The following CFTR variants were observed in gnomAD, a reference collection of about 807,000 sequenced individuals.
CFTR encodes the protein CF transmembrane conductance regulator.
A neutral mutation model predicts 171.6 loss-of-function variants in CFTR; 181 were observed. That is an observed-to-expected ratio of 1.05 (90% CI 0.93 to 1.19). The LOEUF (loss-of-function observed/expected upper bound fraction) is 1.19, where lower values mean the gene tolerates loss of function less well. Ranked by LOEUF, CFTR falls within the 50% of genes most tolerant of loss-of-function variation. The pLI, the probability that CFTR is intolerant of heterozygous loss-of-function variation, is 0.00. For missense variants in CFTR, 1,968 were observed against 1,734.7 expected (o/e 1.13, Z -2.39); for synonymous variants, 583 against 608.0 (o/e 0.96, Z 0.60).
chr7:117,664,403 T>C (rs1019358238), intron 24 of CFTR, among the ~76,000 whole-genome samples: 27 of 152,200 alleles, frequency 1.8e-4, no homozygotes, highest in African/African-American at 6.3e-4. Flanking sequence ...TGCCACGTAT[T>C]GTTTTCTTAC....
intron 24 of CFTR, among the ~76,000 whole-genome samples, chr7:117,663,535 T>G (rs1244925714): frequency 6.6e-6 from 1 of 151,676 alleles, no homozygotes; most frequent in Non-Finnish European, 1.5e-5. Context: ...AAACAAGCCA[T>G]TGGTCCTAAC....
chr7:117,524,163 A>G (rs535320828), intron 3 of CFTR, among the ~76,000 whole-genome samples: 2 of 152,320 alleles, frequency 1.3e-5, no homozygotes, highest in South Asian at 2.1e-4. Flanking sequence ...GCTAATCATG[A>G]TATAAAGAAT....
chr7:117,544,480 C>T lies in CFTR; in HGVS notation c.1209+2372C>T, dbSNP rs139051568. On this transcript the variant is annotated intron_variant, in intron 9 of 26. Transcript: ENST00000003084. Reference sequence around the variant, plus strand: ...AATACATGGAGAAAATAGAGGCCACCGTCATATTTGAATGTTTCCAACTTC... The same window carrying T: ...AATACATGGAGAAAATAGAGGCCACTGTCATATTTGAATGTTTCCAACTTC... Among the ~76,000 whole-genome samples, 682 of 152,234 alleles carry T rather than the reference C, an allele frequency of 4.5e-3. 1 individual carries two copies. Among genetic ancestry groups the T allele is most frequent in the Non-Finnish European group, 8.6e-3 (587 of 68,006 alleles).
intron 24 of CFTR, among the ~76,000 whole-genome samples, chr7:117,656,765 G>A (rs762405374): frequency 2.0e-5 from 3 of 152,146 alleles, no homozygotes; most frequent in Admixed American, 1.3e-4. Context: ...GAGCCTCAAA[G>A]GTCTTCTTAG....
intron 15 of CFTR, among the ~76,000 whole-genome samples, chr7:117,597,347 T>G (rs2116046429): frequency 6.6e-6 from 1 of 152,322 alleles, no homozygotes; most frequent in South Asian, 2.1e-4. Context: ...GGCTTCATTC[T>G]CGAAGTCAGT....
At chr7:117,498,463 TA>T (rs1798272298) in intron 1 of CFTR, among the ~76,000 whole-genome samples, 1 of 152,208 alleles carries the variant, frequency 6.6e-6, no homozygotes, top group Non-Finnish European at 1.5e-5. Context: ...ACTGCGATTT[TA>T]AATTGAATTC....
At chr7:117,509,907 TATC>T (rs1380044023) in intron 3 of CFTR, among the ~76,000 whole-genome samples, 2 of 152,206 alleles carry the variant, frequency 1.3e-5, no homozygotes, top group Non-Finnish European at 2.9e-5. Flanking sequence ...GGCGTTTACT[TATC>T]ATATGGATTG....
At chr7:117,612,726 A>G (rs538068445) in intron 20 of CFTR, among the ~76,000 whole-genome samples, 1 of 152,216 alleles carries the variant, frequency 6.6e-6, no homozygotes, top group Non-Finnish European at 1.5e-5. Flanking sequence ...AGGTGGTGCC[A>G]TTCGACTCTT....
intron 3 of CFTR, among the ~76,000 whole-genome samples, chr7:117,520,522 C>T (rs1325566394): frequency 6.6e-6 from 1 of 151,624 alleles, no homozygotes; most frequent in African/African-American, 2.4e-5. Flanking sequence ...CCAGTTTGTC[C>T]ATCATTTATT....
intron 18 of CFTR, among the ~76,000 whole-genome samples, chr7:117,610,001 G>A (rs1043229141): frequency 6.6e-6 from 1 of 151,900 alleles, no homozygotes; most frequent in Non-Finnish European, 1.5e-5. Context: ...GTCCAACAAT[G>A]ATAGACTGGA....
Position 117,535,517 on chromosome 7 carries a change from G to A in CFTR, c.743+106G>A, listed in dbSNP as rs1798938890. The stretch of plus-strand genomic sequence containing the variant: ...TATGCATAGAACAGTGATCTTCAGT[G>A]TCATTAAATTTTTTTTTTTTTTTTT... On this transcript the variant is annotated intron_variant, in intron 6 of 26. Transcript: ENST00000003084. 11 of 725,800 alleles carry A rather than the reference G, an allele frequency of 1.5e-5. 1 individual carries two copies. The highest frequency in any genetic ancestry group is 1.2e-4 in the South Asian group (7 of 58,334). 45.0% of individuals were successfully genotyped at this position (725,800 alleles called of 1,614,324 possible). A position where few individuals can be genotyped will look rare whatever the true frequency, so the allele number is the denominator to read the frequency against.
chr7:117,631,408 T>C (rs1193146104), intron 22 of CFTR, among the ~76,000 whole-genome samples: 5 of 152,150 alleles, frequency 3.3e-5, no homozygotes, highest in Non-Finnish European at 5.9e-5. Flanking sequence ...GAAGTGGCTT[T>C]TGGGAAGTCC....
intron 19 of CFTR, among the ~76,000 whole-genome samples, chr7:117,611,184 A>G (rs1047585304): frequency 6.6e-6 from 1 of 152,170 alleles, no homozygotes; most frequent in African/African-American, 2.4e-5. Flanking sequence ...CTTTTTCAGT[A>G]TATTTCTGCT....
At chr7:117,504,418 T>C in intron 2 of CFTR, 55 bp downstream of exon 2, 1 of 912,770 alleles carries the variant, frequency 1.1e-6, no homozygotes, top group Non-Finnish European at 1.8e-6. Flanking sequence ...ATTAATTATT[T>C]AGAGAAGAGA....
chr7:117,629,709 C>T (rs59159458), intron 22 of CFTR, among the ~76,000 whole-genome samples: 2 of 152,110 alleles, frequency 1.3e-5, no homozygotes, highest in Admixed American at 1.3e-4. Context: ...TACTTTTAGT[C>T]TGGTCTGTTG....
At chr7:117,536,470 C>A in intron 6 of CFTR, 78 bp from the exon 7 acceptor site, 1 of 1,374,976 alleles carries the variant, frequency 7.3e-7, no homozygotes, top group Non-Finnish European at 1.0e-6. Flanking sequence ...TGACTTAAAA[C>A]CTTGAGCAGT....
chr7:117,535,570 C>A (rs111800752), intron 6 of CFTR, among the ~76,000 whole-genome samples, 159 bp downstream of exon 6: 48 of 140,172 alleles, frequency 3.4e-4, no homozygotes, highest in African/African-American at 1.2e-3. Flanking sequence ...AGATCTGTCA[C>A]CCAGGCTGGA....
At chr7:117,655,222 A>C (rs1225928121) in intron 24 of CFTR, among the ~76,000 whole-genome samples, 1 of 152,112 alleles carries the variant, frequency 6.6e-6, no homozygotes, top group Non-Finnish European at 1.5e-5. Flanking sequence ...GTCATTTCTC[A>C]TCTTGAATTT....
In CFTR at chr7:117,556,040, C is replaced by T. The variant is rs975569980; in HGVS notation, c.1393-3424C>T. ...ATAAATAAGATTAAATCTATATTTCCAAGTAATCTCTATAAGATTTTGTTA... is the reference window on the plus strand; with the variant it reads ...ATAAATAAGATTAAATCTATATTTCTAAGTAATCTCTATAAGATTTTGTTA... On this transcript the variant is annotated intron_variant, in intron 10 of 26. Transcript: ENST00000003084. Among the ~76,000 whole-genome samples the T allele has an allele frequency of 4.6e-5, 7 of 151,760 alleles. 1 individual carries two copies. Among genetic ancestry groups the T allele is most frequent in the African/African-American group, 1.7e-4 (7 of 41,282 alleles).
Sources: allele counts gnomAD v4.1 joint callset (sites outside exome capture counted in the v4.1 genomes callset), GRCh38; gene constraint gnomAD v4.1.1; transcripts MANE v1.5; gene names NCBI Gene and HGNC (gene_info 2026-07-23, HGNC 2026-07-21).